TPO: variants seen among roughly 807,000 people sequenced by gnomAD.
TPO encodes thyroid microsomal antigen.
TPO carries 78 observed loss-of-function variants against 96.9 expected under a neutral mutation model. That is an observed-to-expected ratio of 0.81 (90% CI 0.67 to 0.97). The LOEUF (loss-of-function observed/expected upper bound fraction) is 0.97, where lower values mean the gene tolerates loss of function less well. TPO is among the 50% of genes least tolerant of loss of function. TPO has a pLI of 0.00. For missense variants in TPO, 1,252 were observed against 1,274.8 expected (o/e 0.98, Z 0.27); for synonymous variants, 547 against 538.0 (o/e 1.02, Z -0.23).
chr2:1,532,937 A>C (rs1401962700), intron 15 of TPO, among the ~76,000 whole-genome samples: 10 of 99,844 alleles, frequency 1.0e-4, no homozygotes, highest in South Asian at 3.6e-4. Context: ...CTCCCCCACT[A>C]TGTGCAACCT....
intron 5 of TPO, among the ~76,000 whole-genome samples, chr2:1,446,981 G>A (rs948710441): frequency 1.3e-5 from 2 of 152,118 alleles, no homozygotes; most frequent in South Asian, 2.1e-4. Context: ...TGGCAACCAT[G>A]AGGGGTGTGT....
chr2:1,516,813 TCAGGCAGGACAA>T, intron 14 of TPO, 58 bp from the exon 15 acceptor site: 1 of 1,451,546 alleles, frequency 6.9e-7, no homozygotes, highest in Non-Finnish European at 9.7e-7. Context: ...TGGCCCAGAC[TCAGGCAGGACAA>T]CCTGGCTTGC....
chr2:1,499,082 G>T (rs1365676794), intron 13 of TPO, among the ~76,000 whole-genome samples: 2 of 152,120 alleles, frequency 1.3e-5, no homozygotes, highest in South Asian at 4.1e-4. Context: ...AAGTATGAAT[G>T]ACCCCAAAGT....
chr2:1,505,878 A>T (rs1214557592), intron 14 of TPO, among the ~76,000 whole-genome samples: 36 of 143,932 alleles, frequency 2.5e-4, no homozygotes, highest in African/African-American at 9.1e-4. Flanking sequence ...TATTATTATT[A>T]TACTTTAAGT....
intron 1 of TPO, among the ~76,000 whole-genome samples, chr2:1,402,244 C>T (rs930109850): frequency 2.0e-5 from 3 of 152,180 alleles, no homozygotes; most frequent in Non-Finnish European, 2.9e-5. Context: ...GAGCTGCGGT[C>T]GGCATCCACG....
Position 1,484,542 on chromosome 2 carries a change from C to T in TPO, c.1339-54C>T, listed in dbSNP as rs935483171. 80 of 1,612,068 alleles carry T rather than the reference C, an allele frequency of 5.0e-5. No individual in the cohort carries two copies. In the South Asian group the frequency reaches 5.8e-4, roughly 12 times the overall value. On this transcript the variant is annotated intron_variant, in intron 8 of 16. Coordinates refer to ENST00000329066, the MANE Select transcript of TPO (RefSeq NM_001206744.2). Reference sequence around the variant, plus strand: ...TGCTCTTCCACACTGCCGCTCGAGGCGACCCTCCTCTGGTATCCTGGGCCT... The same window carrying T: ...TGCTCTTCCACACTGCCGCTCGAGGTGACCCTCCTCTGGTATCCTGGGCCT...
intron 14 of TPO, among the ~76,000 whole-genome samples, chr2:1,504,788 C>T (rs916058908): frequency 3.3e-4 from 50 of 152,162 alleles, no homozygotes; most frequent in Admixed American, 2.5e-3. Context: ...ACAGCCACTC[C>T]GTAGCTGGCC....
intron 5 of TPO, chr2:1,438,868 C>A (rs1458439283): frequency 1.4e-6 from 1 of 715,020 alleles, no homozygotes. Context: ...ACCTGTTTAA[C>A]TAGGAACCTT....
intron 13 of TPO, among the ~76,000 whole-genome samples, chr2:1,499,984 C>T (rs543057790): frequency 3.9e-5 from 6 of 152,336 alleles, no homozygotes; most frequent in East Asian, 1.9e-4. Context: ...GCTCAGGAGC[C>T]GTGTTCTGAA....
At chr2:1,422,660 G>C (rs1045431535) in intron 2 of TPO, among the ~76,000 whole-genome samples, 1 of 152,132 alleles carries the variant, frequency 6.6e-6, no homozygotes. Context: ...GGAAACTACT[G>C]GTATAGTGGA....
intron 9 of TPO, among the ~76,000 whole-genome samples, chr2:1,487,456 T>C (rs1484501334): frequency 6.6e-6 from 1 of 152,148 alleles, no homozygotes; most frequent in Non-Finnish European, 1.5e-5. Context: ...GCTATTGGGC[T>C]GGGCGCGGTG....
At chr2:1,529,967 C>T (rs1265927402) in intron 15 of TPO, among the ~76,000 whole-genome samples, 3 of 127,534 alleles carry the variant, frequency 2.4e-5, no homozygotes, top group Admixed American at 8.2e-5. Flanking sequence ...TGCAACCTCC[C>T]GAAAACACCC....
At chr2:1,422,460 T>G (rs1663854375) in intron 2 of TPO, among the ~76,000 whole-genome samples, 1 of 78,560 alleles carries the variant, frequency 1.3e-5, no homozygotes, top group South Asian at 5.3e-4. Flanking sequence ...AGGAGCCAAT[T>G]CATTCCTTTG....
intron 15 of TPO, among the ~76,000 whole-genome samples, chr2:1,518,004 C>A (rs1186964395): frequency 1.3e-5 from 2 of 152,002 alleles, no homozygotes; most frequent in Non-Finnish European, 2.9e-5. Flanking sequence ...GCCAGGATGA[C>A]CCCTGCAGTC....
intron 14 of TPO, among the ~76,000 whole-genome samples, chr2:1,511,085 A>G (rs1160865201): frequency 1.3e-5 from 2 of 152,226 alleles, no homozygotes; most frequent in East Asian, 3.9e-4. Context: ...TGATATAATT[A>G]TAGAGGGAGC....
intron 10 of TPO, among the ~76,000 whole-genome samples, 171 bp from the exon 11 acceptor site, chr2:1,493,631 G>A (rs140425267): frequency 6.5e-5 from 9 of 137,748 alleles, no homozygotes; most frequent in Non-Finnish European, 1.1e-4. Context: ...GGACTCTGCC[G>A]GGCGTCGGAG....
At chr2:1,538,864 A>C (rs906623401) in intron 15 of TPO, among the ~76,000 whole-genome samples, 8 of 152,184 alleles carry the variant, frequency 5.3e-5, no homozygotes, top group Non-Finnish European at 1.0e-4. Flanking sequence ...GGAAGGACGA[A>C]TGCGCCTTGC....
At chr2:1,419,042 T>G (rs1033580690) in intron 2 of TPO, among the ~76,000 whole-genome samples, 1 of 152,182 alleles carries the variant, frequency 6.6e-6, no homozygotes, top group Non-Finnish European at 1.5e-5. Context: ...GGCAACTTCC[T>G]TCTTCTTTCT....
chr2:1,503,101 G>A (rs3755550), intron 13 of TPO, among the ~76,000 whole-genome samples: 6,127 of 152,278 alleles, frequency 0.04, 160 homozygotes, highest in East Asian at 0.1. Context: ...TCCACTCAGC[G>A]GTGAGACTGG....
Sources: gnomAD v4.1 joint callset for allele counts (sites outside exome capture counted in the v4.1 genomes callset) on GRCh38, gnomAD v4.1.1 for gene constraint, MANE v1.5 for transcripts, NCBI Gene and HGNC (gene_info 2026-07-23, HGNC 2026-07-21) for gene names.